The following BRD8 variants were observed in gnomAD, a reference collection of about 807,000 sequenced individuals.
BRD8 encodes the protein bromodomain-containing protein 8.
In BRD8, 67 loss-of-function variants were observed where a neutral mutation model predicts 143.1. The observed-to-expected ratio is 0.47, with a 90% CI of 0.38 to 0.57. The LOEUF is 0.57. Ranked by LOEUF, BRD8 falls within the 20% of genes least tolerant of loss-of-function variation. The pLI is 0.00. For synonymous variants in BRD8, 505 were observed against 517.1 expected (o/e 0.98, Z 0.32); for missense variants, 1,103 against 1,503.0 (o/e 0.73, Z 4.40).
At chr5:138,166,466 T>C (rs1753430734) in intron 10 of BRD8, 52 bp downstream of exon 10, 1 of 1,264,680 alleles carries the variant, frequency 7.9e-7, no homozygotes, top group Non-Finnish European at 1.1e-6. Flanking sequence ...CATTTTTCTC[T>C]AACTAAAGCT....
rs1472476155 is a variant in BRD8 at position 138,177,749 on chromosome 5, G to A, written c.20-82C>T. 2.5e-5 allele frequency: 20 copies of A among 814,088 alleles called. No homozygotes were observed. The East Asian group carries it at 4.9e-4, about 20-fold the overall frequency. 50.4% of individuals were successfully genotyped at this position (814,088 alleles called of 1,614,324 possible). ...TAAGCTCCAAAATCCCCAAAAAGAG[G>A]ACTAAAAGCCTAATACAAAACATCC... On this transcript the variant is annotated intron_variant, in intron 1 of 26. Transcript: ENST00000254900.
intron 8 of BRD8, 38 bp from the exon 9 acceptor site, chr5:138,168,116 C>T: frequency 6.7e-7 from 1 of 1,502,876 alleles, no homozygotes; most frequent in Non-Finnish European, 9.1e-7. Context: ...TACACTCAAG[C>T]TTTCCTTCAC....
At chr5:138,145,083 T>G in intron 25 of BRD8, 94 bp downstream of exon 25, 1 of 1,287,874 alleles carries the variant, frequency 7.8e-7, no homozygotes, top group South Asian at 1.3e-5. Flanking sequence ...ATCTTGAGTT[T>G]GTAAGTTATA....
At chr5:138,159,980 A>T in intron 19 of BRD8, 89 bp downstream of exon 19, 1 of 922,018 alleles carries the variant, frequency 1.1e-6, no homozygotes, top group Non-Finnish European at 1.8e-6. Flanking sequence ...CTAGAAGCCC[A>T]ATACCAAGTA....
chr5:138,166,891 T>C (rs1417753485), intron 9 of BRD8, 164 bp from the exon 10 acceptor site: 1 of 579,444 alleles, frequency 1.7e-6, no homozygotes, highest in Non-Finnish European at 3.1e-6. Flanking sequence ...CTAACCTTAC[T>C]TAAGATCTTC....
chr5:138,157,357 G>A, intron 20 of BRD8: 1 of 1,541,394 alleles, frequency 6.5e-7, no homozygotes. Flanking sequence ...TGGTTTCTTG[G>A]GGGAGAGGGA....
intron 24 of BRD8, among the ~76,000 whole-genome samples, chr5:138,145,469 T>C (rs1368631713): frequency 6.6e-6 from 1 of 152,220 alleles, no homozygotes; most frequent in African/African-American, 2.4e-5. Flanking sequence ...CAGAAATTTG[T>C]TCAAAGTTCC....
chr5:138,153,309 C>T (rs1215620840), intron 20 of BRD8, among the ~76,000 whole-genome samples: 1 of 152,118 alleles, frequency 6.6e-6, no homozygotes, highest in Non-Finnish European at 1.5e-5. Context: ...CCCTTGCTCT[C>T]ATTACACCAC....
intron 13 of BRD8, 50 bp downstream of exon 13, chr5:138,164,270 C>T: frequency 6.2e-7 from 1 of 1,602,020 alleles, no homozygotes; most frequent in Non-Finnish European, 8.6e-7. Flanking sequence ...CACAACCCCT[C>T]AGAAGCCAAA....
chr5:138,149,016 G>A (rs1428848044), intron 23 of BRD8, among the ~76,000 whole-genome samples: 2 of 151,552 alleles, frequency 1.3e-5, no homozygotes, highest in African/African-American at 2.4e-5. Flanking sequence ...AGTGAGTCAT[G>A]ATCGTGCCCA....
intron 2 of BRD8, among the ~76,000 whole-genome samples, chr5:138,175,912 C>CAAAAAAAAAAAAAAAA: frequency 1.1e-4 from 2 of 18,602 alleles, no homozygotes; most frequent in Non-Finnish European, 1.9e-4. Context: ...ACCCTGTCTG[C>CAAAAAAAAAAAAAAAA]AAAAAAAAAA....
In BRD8 at chr5:138,164,076, G is replaced by A. The variant is rs774769080; in HGVS notation, c.1872+11C>T. 4.3e-6 allele frequency: 7 copies of A among 1,612,880 alleles called. No homozygotes were observed. The highest frequency in any genetic ancestry group is 5.9e-6 in the Non-Finnish European group (7 of 1,178,922). ...CACATGGCAAGAGGAATAAAGAAAAGTCTGAAATACCTTTATCTGGCTTCC... is the reference window on the plus strand; with the variant it reads ...CACATGGCAAGAGGAATAAAGAAAAATCTGAAATACCTTTATCTGGCTTCC... On this transcript the variant is annotated intron_variant, in intron 14 of 26. Coordinates refer to ENST00000254900, the MANE Select transcript of BRD8 (RefSeq NM_139199.2).
At chr5:138,141,621 G>A (rs982010835) in intron 25 of BRD8, among the ~76,000 whole-genome samples, 1 of 152,154 alleles carries the variant, frequency 6.6e-6, no homozygotes, top group Non-Finnish European at 1.5e-5. Flanking sequence ...CCAATCATCA[G>A]TTTATCACAC....
chr5:138,165,726 C>CAAAAAAAAAAAAAAAAAAAAAAAAAA (rs374362323), intron 11 of BRD8, 102 bp downstream of exon 11: 1 of 833,910 alleles, frequency 1.2e-6, no homozygotes, highest in Non-Finnish European at 1.6e-6. Context: ...ACTCTGTCTC[C>CAAAAAAAAAAAAAAAAAAAAAAAAAA]AAAAAAAAAA....
chr5:138,156,795 AAT>A (rs762605252), intron 20 of BRD8: 111 of 951,192 alleles, frequency 1.2e-4, no homozygotes, highest in Non-Finnish European at 1.4e-4. Flanking sequence ...CTACAAATGA[AAT>A]AGTTATGCAG....
chr5:138,164,439 C>T (rs766711509), intron 12 of BRD8, 26 bp from the exon 13 acceptor site: 1 of 1,592,104 alleles, frequency 6.3e-7, no homozygotes, highest in South Asian at 1.1e-5. Context: ...GAAAAAACAC[C>T]CTAAGTACTG....
At chr5:138,157,301 A>C in intron 20 of BRD8, 1 of 1,613,420 alleles carries the variant, frequency 6.2e-7, no homozygotes, top group South Asian at 1.1e-5. Flanking sequence ...AGGGAGCATG[A>C]GTTGGTCAGG....
At chr5:138,155,450 T>TAAA (rs1174770111) in intron 20 of BRD8, among the ~76,000 whole-genome samples, 1 of 131,634 alleles carries the variant, frequency 7.6e-6, no homozygotes, top group Non-Finnish European at 1.6e-5. Context: ...ACTCCGAATT[T>TAAA]AAAAAAAAAA....
At chr5:138,143,828 A>G (rs1752018382) in intron 25 of BRD8, among the ~76,000 whole-genome samples, 1 of 152,174 alleles carries the variant, frequency 6.6e-6, no homozygotes, top group African/African-American at 2.4e-5. Context: ...ACCAATCAGC[A>G]CTCTGTAAAA....
Sources: allele counts gnomAD v4.1 joint callset (sites outside exome capture counted in the v4.1 genomes callset), GRCh38; gene constraint gnomAD v4.1.1; transcripts MANE v1.5; gene names NCBI Gene and HGNC (gene_info 2026-07-23, HGNC 2026-07-21).